WFDC1: variants seen among roughly 807,000 people sequenced by gnomAD.
WFDC1 encodes WAP four-disulfide core domain 1.
Under a neutral mutation model 32.9 loss-of-function variants are expected in WFDC1, and 39 were observed. The observed-to-expected ratio is 1.19, with a 90% confidence interval of 0.92 to 1.55. The LOEUF (loss-of-function observed/expected upper bound fraction) is 1.55. Ranked by LOEUF, WFDC1 falls within the 40% of genes most tolerant of loss-of-function variation. The pLI is 0.00. For synonymous variants in WFDC1, 184 were observed against 137.4 expected (o/e 1.34, Z -2.37); for missense variants, 386 against 309.5 (o/e 1.25, Z -1.85).
rs112261493 is a variant in WFDC1 at position 84,325,206 on chromosome 16, C to CTT, written c.604+759_604+760dup. On this transcript the variant is annotated intron_variant, in intron 5 of 6. Transcript: ENST00000219454. The stretch of plus-strand genomic sequence containing the variant: ...CTTATCCATCTATCCACCCATCTAC[C>CTT]TTTTTTTTTTTTTTGAGATGGAGTC... Among the ~76,000 whole-genome samples, 152 of 136,452 alleles carry CTT rather than the reference C, an allele frequency of 1.1e-3. No individual in the cohort carries two copies. The South Asian group carries it at 0.02, about 18-fold the overall frequency. The allele number at this position is 136,452 out of a possible 152,430, so 89.5% of individuals were successfully genotyped here. A position where few individuals can be genotyped will look rare whatever the true frequency, so the allele number is the denominator to read the frequency against.
chr16:84,327,014 G>T (rs1271815446), intron 6 of WFDC1, 59 bp downstream of exon 6: 6 of 1,574,426 alleles, frequency 3.8e-6, no homozygotes, highest in Non-Finnish European at 5.2e-6. Context: ...CAGTGTCCTG[G>T]CAGCTTTCAC....
At chr16:84,305,230 A>G (rs945948641) in intron 1 of WFDC1, among the ~76,000 whole-genome samples, 1 of 152,216 alleles carries the variant, frequency 6.6e-6, no homozygotes, top group Non-Finnish European at 1.5e-5. Context: ...CATGAATCAC[A>G]CAGCCCAGGC....
At chr16:84,297,307 A>G (rs1306231300) in intron 1 of WFDC1, among the ~76,000 whole-genome samples, 15 of 152,136 alleles carry the variant, frequency 9.9e-5, no homozygotes, top group Admixed American at 9.8e-4. Context: ...GCCTAGACAT[A>G]GGTGAGGTTT....
intron 1 of WFDC1, among the ~76,000 whole-genome samples, chr16:84,301,424 A>C (rs1020097828): frequency 1.3e-5 from 2 of 152,192 alleles, no homozygotes; most frequent in Admixed American, 1.3e-4. Flanking sequence ...GGCTGGGGAC[A>C]AGTGGGGCTA....
rs1307056585 is a variant in WFDC1, at chr16:84,295,024, C to T, written c.53C>T (p.Ala18Val). Residue 18 changes from alanine to valine, a missense_variant, in exon 1 of 7, where the codon GCT becomes GTT. Coordinates refer to ENST00000219454, the MANE Select transcript of WFDC1 (RefSeq NM_021197.4). ...AGCTGCAGGAGGCAGATCATCCGGG[C>T]TCTGTGCCTCTTGCTACTTCTCCTC... ...PGSCRRQIIR[A>V]LCLLLLLLHA... The T allele has an allele frequency of 4.3e-6, 7 of 1,614,236 alleles. No homozygotes were observed. In the East Asian group the frequency reaches 6.7e-5, roughly 15 times the overall value.
chr16:84,304,980 G>C (rs1597667058), intron 1 of WFDC1, among the ~76,000 whole-genome samples: 1 of 152,200 alleles, frequency 6.6e-6, no homozygotes, highest in South Asian at 2.1e-4. Context: ...CAGGCTCCTG[G>C]GTCAGGAACG....
intron 5 of WFDC1, among the ~76,000 whole-genome samples, chr16:84,325,323 C>G (rs1381939297): frequency 6.6e-6 from 1 of 152,048 alleles, no homozygotes; most frequent in Non-Finnish European, 1.5e-5. Context: ...CTGCGTCAGC[C>G]TCCCAAATAG....
At chr16:84,318,099 C>T (rs994429359) in intron 2 of WFDC1, 173 bp from the exon 3 acceptor site, 7 of 610,786 alleles carry the variant, frequency 1.1e-5, no homozygotes, top group African/African-American at 3.7e-5. Flanking sequence ...GCCCAGCCCA[C>T]AGTGAAAGGT....
Position 84,312,611 on chromosome 16 carries a change from C to A in WFDC1, c.145-350C>A, listed in dbSNP as rs62050693. On this transcript the variant is annotated intron_variant, in intron 1 of 6. Transcript: ENST00000219454. ...GTGTACGTATATGTATACATGCAGACATATATGTATATACACATATATACC... is the reference window on the plus strand; with the variant it reads ...GTGTACGTATATGTATACATGCAGAAATATATGTATATACACATATATACC... Among the ~76,000 whole-genome samples the A allele has an allele frequency of 8.8e-3, 1,337 of 152,092 alleles. 16 individuals carry two copies. Among genetic ancestry groups the A allele is most frequent in the African/African-American group, 0.03 (1,256 of 41,470 alleles).
chr16:84,314,302 C>G (rs1040435488), intron 2 of WFDC1, among the ~76,000 whole-genome samples: 2 of 152,120 alleles, frequency 1.3e-5, no homozygotes, highest in African/African-American at 4.8e-5. Context: ...GTAGGGTAGA[C>G]AAGTAGCTAT....
chr16:84,295,106 G>A lies in WFDC1; in HGVS notation c.135G>A (p.Glu45=). ...GGGCATTGCCTGCGAGGCTGGCCGA[G>A]AAATCCCGTGTAAGTGCCTGGGATG... The part of the protein sequence containing the change: ...WKRALPARLA[E]KSRAEEAGAP... Residue 45 remains glutamate, a synonymous_variant, in exon 1 of 7, where the codon GAG becomes GAA. Transcript: ENST00000219454. 6.2e-7 allele frequency: 1 copy of A among 1,613,960 alleles called. No individual in the cohort carries two copies. Among genetic ancestry groups the A allele is most frequent in the Non-Finnish European group, 8.5e-7 (1 of 1,179,906 alleles).
chr16:84,298,056 G>C (rs1379870402), intron 1 of WFDC1, among the ~76,000 whole-genome samples: 1 of 152,114 alleles, frequency 6.6e-6, no homozygotes, highest in Non-Finnish European at 1.5e-5. Context: ...TGGAGAGCCA[G>C]TTTTGTTCCA....
intron 1 of WFDC1, among the ~76,000 whole-genome samples, chr16:84,305,190 C>T (rs1159488414): frequency 6.6e-6 from 1 of 152,240 alleles, no homozygotes; most frequent in Non-Finnish European, 1.5e-5. Flanking sequence ...ACAGTAAGAG[C>T]TTACTAAATG....
chr16:84,325,193 T>C (rs924617482), intron 5 of WFDC1, among the ~76,000 whole-genome samples: 26 of 134,142 alleles, frequency 1.9e-4, no homozygotes, highest in Admixed American at 1.6e-3. Context: ...TATCCATCTA[T>C]CCACCCATCT....
chr16:84,297,848 T>C (rs753311696), intron 1 of WFDC1, among the ~76,000 whole-genome samples: 2 of 152,106 alleles, frequency 1.3e-5, no homozygotes, highest in Non-Finnish European at 2.9e-5. Context: ...ATGACTTTCA[T>C]GGCCCTTTCG....
chr16:84,310,208 CG>C (rs1181267030), intron 1 of WFDC1, among the ~76,000 whole-genome samples: 1 of 151,286 alleles, frequency 6.6e-6, no homozygotes, highest in Non-Finnish European at 1.5e-5. Context: ...GACATAGAAG[CG>C]GGGGTGGTGT....
chr16:84,322,391 T>C (rs569363427), intron 4 of WFDC1, among the ~76,000 whole-genome samples: 2 of 152,280 alleles, frequency 1.3e-5, no homozygotes, highest in East Asian at 3.9e-4. Flanking sequence ...GGCCCCCTTG[T>C]CCCAGCCTTA....
chr16:84,305,121 C>T (rs1256082585), intron 1 of WFDC1, among the ~76,000 whole-genome samples: 1 of 152,214 alleles, frequency 6.6e-6, no homozygotes, highest in East Asian at 1.9e-4. Flanking sequence ...AGAATAGCAG[C>T]AGCCCCAGAG....
rs1029530940 is a variant in WFDC1, at chr16:84,326,953, C to G, written c.*13C>G. ...GCACTTTCAGTAAAGCAACGGCAAG[C>G]AGGTGAGTGGGCAGAGAGCAAGAGT... On this transcript the variant is annotated splice_region_variant and 3_prime_UTR_variant, in exon 6 of 7. Transcript: ENST00000219454. 18 of 1,613,892 alleles carry G rather than the reference C, an allele frequency of 1.1e-5. No individual in the cohort carries two copies. The highest frequency in any genetic ancestry group is 1.4e-5 in the Non-Finnish European group (17 of 1,179,992).
Sources: gnomAD v4.1 joint callset for allele counts (sites outside exome capture counted in the v4.1 genomes callset) on GRCh38, gnomAD v4.1.1 for gene constraint, MANE v1.5 for transcripts, NCBI Gene and HGNC (gene_info 2026-07-23, HGNC 2026-07-21) for gene names.